TSPAN18: variants seen among roughly 807,000 people sequenced by gnomAD.
TSPAN18 encodes tetraspanin 18, also known as tetraspanin-18.
In TSPAN18, 14 loss-of-function variants were observed where a neutral mutation model predicts 27.3. That is an observed-to-expected ratio of 0.51 (90% CI 0.34 to 0.80). The LOEUF is 0.80. Ranked by LOEUF, TSPAN18 falls within the 30% of genes least tolerant of loss-of-function variation. TSPAN18 has a pLI of 0.01. For synonymous variants in TSPAN18, 143 were observed against 136.5 expected (o/e 1.05, Z -0.33); for missense variants, 268 against 323.9 (o/e 0.83, Z 1.32).
chr11:44,799,451 G>A (rs544209323), intron 2 of TSPAN18, among the ~76,000 whole-genome samples: 28 of 152,260 alleles, frequency 1.8e-4, no homozygotes, highest in Admixed American at 7.8e-4. Context: ...GCTCTTCTCA[G>A]CCCCCATTCA....
rs533483869 is a variant in TSPAN18, at chr11:44,748,052, T to C, written c.-239-16374T>C. Among the ~76,000 whole-genome samples, 3 of 152,314 alleles carry C rather than the reference T, an allele frequency of 2.0e-5. No homozygotes were observed. The South Asian group carries it at 6.2e-4, about 32-fold the overall frequency. ...GTGATATGGGCCGAGTCACTCAGCC[T>C]CTCTGGGCCCTGGTTTCCTTTCTCT... On this transcript the variant is annotated intron_variant, in intron 1 of 9. Coordinates refer to ENST00000520358, the MANE Select transcript of TSPAN18 (RefSeq NM_130783.5).
At chr11:44,733,677 G>A (rs1026518688) in intron 1 of TSPAN18, among the ~76,000 whole-genome samples, 11 of 152,334 alleles carry the variant, frequency 7.2e-5, no homozygotes, top group Admixed American at 5.2e-4. Context: ...GCCTTGAGGT[G>A]AGACAAGCCA....
intron 5 of TSPAN18, among the ~76,000 whole-genome samples, chr11:44,911,573 G>A (rs975794810): frequency 5.9e-5 from 9 of 152,184 alleles, no homozygotes; most frequent in Non-Finnish European, 8.8e-5. Flanking sequence ...GGGAGCCCGA[G>A]GGGACTTTAA....
chr11:44,929,433 C>T lies in TSPAN18; in HGVS notation c.*255C>T. The T allele has an allele frequency of 5.6e-6, 3 of 531,926 alleles. No individual in the cohort carries two copies. Among genetic ancestry groups the T allele is most frequent in the Non-Finnish European group, 3.3e-6 (1 of 299,756 alleles). 33.0% of individuals were successfully genotyped at this position (531,926 alleles called of 1,614,324 possible). A position where few individuals can be genotyped will look rare whatever the true frequency, so the allele number is the denominator to read the frequency against. ...TCTCCAGAGACCCCAGCAACTGGCC[C>T]AGGATGCAGGCTGCTCTAGAGACCA... On this transcript the variant is annotated 3_prime_UTR_variant, in exon 10 of 10. Transcript: ENST00000520358.
At chr11:44,827,233 C>G (rs796385810) in intron 2 of TSPAN18, among the ~76,000 whole-genome samples, 1 of 152,224 alleles carries the variant, frequency 6.6e-6, no homozygotes, top group Non-Finnish European at 1.5e-5. Flanking sequence ...CTCTAGGCCC[C>G]GGAGTTGCTT....
intron 2 of TSPAN18, among the ~76,000 whole-genome samples, chr11:44,845,291 TCCTCATCTGTAA>T: frequency 3.9e-5 from 6 of 152,372 alleles, no homozygotes; most frequent in Admixed American, 3.9e-4. Flanking sequence ...AGCCTCAGTG[TCCTCATCTGTAA>T]GATGGATTTA....
chr11:44,783,125 G>A (rs1855977420), intron 2 of TSPAN18, among the ~76,000 whole-genome samples: 7 of 152,090 alleles, frequency 4.6e-5, no homozygotes, highest in Admixed American at 4.6e-4. Context: ...ATCACACACG[G>A]CCTCTTTTGC....
intron 2 of TSPAN18, among the ~76,000 whole-genome samples, chr11:44,800,412 T>C (rs1388012002): frequency 1.3e-5 from 2 of 152,160 alleles, no homozygotes; most frequent in Non-Finnish European, 2.9e-5. Flanking sequence ...AACTGAGCCC[T>C]CAGCTCAGTG....
At chr11:44,913,246 C>G (rs891817274) in intron 5 of TSPAN18, among the ~76,000 whole-genome samples, 2 of 152,202 alleles carry the variant, frequency 1.3e-5, no homozygotes, top group East Asian at 1.9e-4. Flanking sequence ...AGCAAGGAGG[C>G]CTTGAGATGG....
chr11:44,897,912 T>C, intron 3 of TSPAN18: 2 of 1,251,894 alleles, frequency 1.6e-6, no homozygotes, highest in Non-Finnish European at 2.1e-6. Context: ...TCTGATCCTT[T>C]CCAATCTGCC....
intron 2 of TSPAN18, among the ~76,000 whole-genome samples, chr11:44,811,943 C>G (rs1856726410): frequency 6.6e-6 from 1 of 152,186 alleles, no homozygotes; most frequent in South Asian, 2.1e-4. Flanking sequence ...AGCTCATTCC[C>G]CGGGATGACA....
intron 1 of TSPAN18, among the ~76,000 whole-genome samples, chr11:44,752,007 T>A (rs1057434744): frequency 2.0e-5 from 3 of 152,136 alleles, no homozygotes; most frequent in African/African-American, 7.2e-5. Context: ...GTTTTTTCCC[T>A]GTGTGTTGTG....
chr11:44,793,353 GAA>G (rs1856274168), intron 2 of TSPAN18, among the ~76,000 whole-genome samples: 1 of 152,162 alleles, frequency 6.6e-6, no homozygotes, highest in South Asian at 2.1e-4. Context: ...TGCTGAAGAA[GAA>G]TCCTAGGTGC....
intron 3 of TSPAN18, among the ~76,000 whole-genome samples, chr11:44,873,032 T>C (rs1858237472): frequency 6.6e-6 from 1 of 152,172 alleles, no homozygotes; most frequent in South Asian, 2.1e-4. Flanking sequence ...CAGGGAGGGC[T>C]TCCTGGAGGT....
At chr11:44,822,872 G>T (rs143521066) in intron 2 of TSPAN18, among the ~76,000 whole-genome samples, 63 of 152,276 alleles carry the variant, frequency 4.1e-4, no homozygotes, top group African/African-American at 1.4e-3. Context: ...CAAGTTAAGG[G>T]AATTAAAGGG....
At chr11:44,865,740 G>C (rs1858018982) in intron 3 of TSPAN18, among the ~76,000 whole-genome samples, 3 of 152,172 alleles carry the variant, frequency 2.0e-5, no homozygotes, top group African/African-American at 4.8e-5. Context: ...ACAGTAGCCT[G>C]GTGGCTGTTG....
At chr11:44,761,958 T>G (rs1855464253) in intron 1 of TSPAN18, among the ~76,000 whole-genome samples, 3 of 152,168 alleles carry the variant, frequency 2.0e-5, no homozygotes, top group Admixed American at 1.3e-4. Flanking sequence ...GGAATGTGCC[T>G]AGGAAAGCCA....
At chr11:44,834,079 CTTAAACCCAGGCAGGA>C (rs1239310399) in intron 2 of TSPAN18, among the ~76,000 whole-genome samples, 1 of 151,864 alleles carries the variant, frequency 6.6e-6, no homozygotes. Context: ...GTTTCCAAGG[CTTAAACCCAGGCAGGA>C]ACCACGAGAT....
intron 2 of TSPAN18, among the ~76,000 whole-genome samples, chr11:44,788,899 G>A (rs1410422327): frequency 1.3e-5 from 2 of 152,240 alleles, no homozygotes; most frequent in Non-Finnish European, 2.9e-5. Flanking sequence ...ATGGAGAGAA[G>A]AGAGGGCCAA....
Sources: gnomAD v4.1 joint callset for allele counts (sites outside exome capture counted in the v4.1 genomes callset) on GRCh38, gnomAD v4.1.1 for gene constraint, MANE v1.5 for transcripts, NCBI Gene and HGNC (gene_info 2026-07-23, HGNC 2026-07-21) for gene names.